POGLUT1: variants seen among roughly 807,000 people sequenced by gnomAD.
The protein encoded by POGLUT1 is protein O-glucosyltransferase 1, also known as 9630046K23Rik.
A neutral mutation model predicts 61.3 loss-of-function variants in POGLUT1; 32 were observed. The ratio of observed to expected loss-of-function variants is 0.52; its 90% CI spans 0.39 to 0.70. The LOEUF is 0.70. Ranked by LOEUF, POGLUT1 falls within the 30% of genes least tolerant of loss-of-function variation. POGLUT1 has a pLI of 0.00. For synonymous variants in POGLUT1, 158 were observed against 158.2 expected (o/e 1.00, Z 0.01); for missense variants, 411 against 469.8 (o/e 0.87, Z 1.16).
intron 4 of POGLUT1, 31 bp downstream of exon 4, chr3:119,477,479 GGA>G (rs2081552018): frequency 6.2e-7 from 1 of 1,607,644 alleles, no homozygotes; most frequent in South Asian, 1.1e-5. Flanking sequence ...ATGGGTGGAT[GGA>G]GAGTGGTCCT....
chr3:119,482,134 T>C (rs538506434), intron 5 of POGLUT1, among the ~76,000 whole-genome samples: 25 of 152,194 alleles, frequency 1.6e-4, no homozygotes, highest in Non-Finnish European at 1.3e-4. Flanking sequence ...TCTAATCCTT[T>C]CCCCCCCTCC....
intron 4 of POGLUT1, chr3:119,479,815 A>T (rs2081584983): frequency 3.1e-6 from 3 of 953,980 alleles, no homozygotes; most frequent in Non-Finnish European, 4.5e-6. Context: ...GGGGGAACTG[A>T]AAAAGCTGAC....
chr3:119,483,347 A>C (rs2081628068), intron 5 of POGLUT1, among the ~76,000 whole-genome samples: 1 of 152,222 alleles, frequency 6.6e-6, no homozygotes, highest in South Asian at 2.1e-4. Context: ...AGTCTTTGCC[A>C]GAGATTATAA....
intron 2 of POGLUT1, among the ~76,000 whole-genome samples, chr3:119,471,008 A>C (rs1161142324): frequency 6.6e-6 from 1 of 152,364 alleles, no homozygotes; most frequent in East Asian, 1.9e-4. Context: ...TGAAGTGACT[A>C]GAAGGACACA....
At position 119,469,011 on chromosome 3, in the gene POGLUT1, G is replaced by T. The variant is rs1399307344; in HGVS notation, c.-11G>T. On this transcript the variant is annotated 5_prime_UTR_variant, in exon 1 of 11. Coordinates refer to ENST00000295588, the MANE Select transcript of POGLUT1 (RefSeq NM_152305.3). Reference sequence around the variant, plus strand: ...CGCCGCAGCGGGGAATCTGCAGTAGGTCTGCCGGCGATGGAGTGGTGGGCT... The same window carrying T: ...CGCCGCAGCGGGGAATCTGCAGTAGTTCTGCCGGCGATGGAGTGGTGGGCT... The T allele has an allele frequency of 6.2e-7, 1 of 1,605,066 alleles. No individual in the cohort carries two copies. The highest frequency in any genetic ancestry group is 1.1e-5 in the South Asian group (1 of 90,296).
rs78082721 is a variant in POGLUT1 at position 119,486,304 on chromosome 3, C to T, written c.639-529C>T. Among the ~76,000 whole-genome samples, 456 of 152,262 alleles carry T rather than the reference C, an allele frequency of 3.0e-3. 1 individual carries two copies. The highest frequency in any genetic ancestry group is 0.011 in the African/African-American group (438 of 41,548). The stretch of plus-strand genomic sequence containing the variant: ...CAGATTATCAAGGAATCCATGATGC[C>T]TCACATGTCAAGACCCTCTGCTACT... On this transcript the variant is annotated intron_variant, in intron 6 of 10. Coordinates refer to ENST00000295588, the MANE Select transcript of POGLUT1 (RefSeq NM_152305.3).
At chr3:119,474,988 A>G (rs983699139) in intron 3 of POGLUT1, among the ~76,000 whole-genome samples, 4 of 151,920 alleles carry the variant, frequency 2.6e-5, no homozygotes, top group Non-Finnish European at 4.4e-5. Flanking sequence ...AGTATTACAT[A>G]CACTTTGGAT....
At position 119,492,775 on chromosome 3, in the gene POGLUT1, T is replaced by A. The variant is rs1314072368; in HGVS notation, c.*337T>A. 2 of 160,990 alleles carry A rather than the reference T, an allele frequency of 1.2e-5. No homozygotes were observed. The highest frequency in any genetic ancestry group is 4.8e-5 in the African/African-American group (2 of 41,826). The allele number at this position is 160,990 out of a possible 1,614,324, so 10.0% of individuals were successfully genotyped here. A position where few individuals can be genotyped will look rare whatever the true frequency, so the allele number is the denominator to read the frequency against. On this transcript the variant is annotated 3_prime_UTR_variant, in exon 11 of 11. Coordinates refer to ENST00000295588, the MANE Select transcript of POGLUT1 (RefSeq NM_152305.3). The stretch of plus-strand genomic sequence containing the variant: ...GTGAGTCCATCACTGTGAAATTGAC[T>A]GTGTCCATGTGATGATGCCCTTTGT...
chr3:119,471,829 A>G, intron 3 of POGLUT1: 1 of 266,330 alleles, frequency 3.8e-6, no homozygotes, highest in Non-Finnish European at 7.3e-6. Context: ...AGTTCTAGAT[A>G]CTGAATATTC....
intron 3 of POGLUT1, among the ~76,000 whole-genome samples, chr3:119,475,954 C>CCACACACACA (rs539140166): frequency 0.014 from 1,804 of 130,926 alleles, 20 homozygotes; most frequent in African/African-American, 0.018. Context: ...GACTGTCTCT[C>CCACACACACA]CACACACACA....
At chr3:119,476,826 T>G (rs1485110845) in intron 3 of POGLUT1, among the ~76,000 whole-genome samples, 1 of 152,250 alleles carries the variant, frequency 6.6e-6, no homozygotes, top group Admixed American at 6.5e-5. Context: ...AGGTTGAAGG[T>G]AATGAAAGGT....
chr3:119,471,205 A>T, intron 2 of POGLUT1, 104 bp from the exon 3 acceptor site: 2 of 976,648 alleles, frequency 2.0e-6, no homozygotes, highest in South Asian at 1.5e-5. Context: ...CTTTCCTTCC[A>T]CTTACTGTGT....
intron 1 of POGLUT1, 50 bp downstream of exon 1, chr3:119,469,156 G>A: frequency 1.4e-6 from 2 of 1,392,918 alleles, no homozygotes; most frequent in South Asian, 1.2e-5. Context: ...GGGTCTGGCC[G>A]GAGTCCCGAG....
At chr3:119,471,205 A>G (rs1344615113) in intron 2 of POGLUT1, 104 bp from the exon 3 acceptor site, 2 of 976,532 alleles carry the variant, frequency 2.0e-6, no homozygotes, top group African/African-American at 1.6e-5. Flanking sequence ...CTTTCCTTCC[A>G]CTTACTGTGT....
At chr3:119,475,744 G>C (rs2081527003) in intron 3 of POGLUT1, among the ~76,000 whole-genome samples, 1 of 151,586 alleles carries the variant, frequency 6.6e-6, no homozygotes, top group African/African-American at 2.4e-5. Flanking sequence ...AACCCGAGGT[G>C]GAGGTTGCAG....
chr3:119,477,964 T>C (rs2081559422), intron 4 of POGLUT1, among the ~76,000 whole-genome samples: 2 of 152,162 alleles, frequency 1.3e-5, no homozygotes, highest in Non-Finnish European at 1.5e-5. Context: ...ATTGAAGGGA[T>C]AGGCTGGAGA....
In POGLUT1 at chr3:119,486,816, A is replaced by G; in HGVS notation, c.639-17A>G. The G allele has an allele frequency of 6.5e-7, 1 of 1,548,722 alleles. No individual in the cohort carries two copies. The highest frequency in any genetic ancestry group is 8.9e-7 in the Non-Finnish European group (1 of 1,120,756). Reference sequence around the variant, plus strand: ...AATACAGGCCACACAGTTTTATGTCACGTGTTTCTTTTATAGGACAAGTCC... The same window carrying G: ...AATACAGGCCACACAGTTTTATGTCGCGTGTTTCTTTTATAGGACAAGTCC... On this transcript the variant is annotated splice_polypyrimidine_tract_variant and intron_variant, in intron 6 of 10. Coordinates refer to ENST00000295588, the MANE Select transcript of POGLUT1 (RefSeq NM_152305.3).
At chr3:119,471,989 A>T (rs1183271322) in intron 3 of POGLUT1, among the ~76,000 whole-genome samples, 1 of 152,124 alleles carries the variant, frequency 6.6e-6, no homozygotes, top group Non-Finnish European at 1.5e-5. Context: ...ACAGAGTGAG[A>T]CCCTGTCTAT....
At chr3:119,477,890 AG>A (rs1287753129) in intron 4 of POGLUT1, among the ~76,000 whole-genome samples, 6 of 152,234 alleles carry the variant, frequency 3.9e-5, no homozygotes, top group South Asian at 2.1e-4. Flanking sequence ...CCGGGGGCCC[AG>A]GGTGGCTAAA....
Sources: gnomAD v4.1 joint callset for allele counts (sites outside exome capture counted in the v4.1 genomes callset) on GRCh38, gnomAD v4.1.1 for gene constraint, MANE v1.5 for transcripts, NCBI Gene and HGNC (gene_info 2026-07-23, HGNC 2026-07-21) for gene names.